WDR47: variants seen among roughly 807,000 people sequenced by gnomAD.
WDR47 encodes the protein WD repeat domain 47, also known as WD repeat-containing protein 47.
Under a neutral mutation model 97.2 loss-of-function variants are expected in WDR47, and 32 were observed. The ratio of observed to expected loss-of-function variants is 0.33; its 90% confidence interval spans 0.25 to 0.44. The LOEUF (loss-of-function observed/expected upper bound fraction) is 0.44. Ranked by LOEUF, WDR47 falls within the 20% of genes least tolerant of loss-of-function variation. The pLI is 1.00. For synonymous variants in WDR47, 375 were observed against 373.5 expected (o/e 1.00, Z -0.05); for missense variants, 782 against 1,102.3 (o/e 0.71, Z 4.11).
chr1:108,971,311 G>A lies in WDR47; in HGVS notation c.*119C>T. 7.4e-7 allele frequency: 1 copy of A among 1,358,730 alleles called. No individual in the cohort carries two copies. The highest frequency in any genetic ancestry group is 1.0e-6 in the Non-Finnish European group (1 of 990,478). The allele number at this position is 1,358,730 out of a possible 1,614,324, so 84.2% of individuals were successfully genotyped here. ...CTATCAGTGGGATACATGGTAATAA[G>A]GGGCCTCTTCGTGCTAAACCACTTT... On this transcript the variant is annotated 3_prime_UTR_variant, in exon 15 of 15. Coordinates refer to ENST00000369962, the MANE Select transcript of WDR47 (RefSeq NM_001142551.2).
At chr1:109,032,179 T>C (rs896500067) in intron 1 of WDR47, among the ~76,000 whole-genome samples, 13 of 139,300 alleles carry the variant, frequency 9.3e-5, no homozygotes, top group African/African-American at 3.4e-4. Context: ...TAAACAAGTA[T>C]GTTTAAAATT....
chr1:108,997,111 A>C (rs1659805037), intron 7 of WDR47, among the ~76,000 whole-genome samples: 1 of 149,200 alleles, frequency 6.7e-6, no homozygotes, highest in Non-Finnish European at 1.5e-5. Context: ...GCAAGTCTCC[A>C]TCTCCAAAAA....
chr1:108,995,953 G>A, intron 7 of WDR47, 116 bp from the exon 8 acceptor site: 1 of 1,066,164 alleles, frequency 9.4e-7, no homozygotes. Context: ...ATAATCTATG[G>A]CAAATTTAGT....
chr1:109,031,800 T>C lies in WDR47; in HGVS notation c.-9-8279A>G, dbSNP rs1293562539. On this transcript the variant is annotated intron_variant, in intron 1 of 14. Coordinates refer to ENST00000369962, the MANE Select transcript of WDR47 (RefSeq NM_001142551.2). ...TATCATTTCAATCTTTCTTTCTTTT[T>C]TTTTTTTTTTTTTTTTTAAGACAGG... Among the ~76,000 whole-genome samples, 247 of 125,570 alleles carry C rather than the reference T, an allele frequency of 2.0e-3. 17 individuals carry two copies. The highest frequency in any genetic ancestry group is 5.9e-3 in the African/African-American group (209 of 35,458). The allele number at this position is 125,570 out of a possible 152,430, so 82.4% of individuals were successfully genotyped here.
At position 108,997,017 on chromosome 1, in the gene WDR47, G is replaced by A. The variant is rs771778109; in HGVS notation, c.1434-1180C>T. Among the ~76,000 whole-genome samples the A allele has an allele frequency of 1.1e-4, 16 of 152,050 alleles. 1 individual carries two copies. The highest frequency in any genetic ancestry group is 6.2e-4 in the South Asian group (3 of 4,820). The stretch of plus-strand genomic sequence containing the variant: ...TGTAATCCCAGCTACTTGGGAGGCT[G>A]AAGCAGGAGAATCACTTGAACCTGG... On this transcript the variant is annotated intron_variant, in intron 7 of 14. Transcript: ENST00000369962.
chr1:109,017,476 C>T (rs1275042273), intron 3 of WDR47, 42 bp downstream of exon 3: 3 of 1,518,244 alleles, frequency 2.0e-6, no homozygotes, highest in South Asian at 2.3e-5. Context: ...TGCTAAGCTT[C>T]TACCAATGAT....
At chr1:109,009,652 G>T (rs1367486364) in intron 5 of WDR47, among the ~76,000 whole-genome samples, 1 of 152,114 alleles carries the variant, frequency 6.6e-6, no homozygotes, top group East Asian at 1.9e-4. Context: ...TCTTTCAAGT[G>T]GAAAAAGCAG....
At chr1:109,040,863 C>T (rs555731135) in intron 1 of WDR47, among the ~76,000 whole-genome samples, 13 of 152,212 alleles carry the variant, frequency 8.5e-5, no homozygotes, top group African/African-American at 3.1e-4. Context: ...ATTTTTTAAA[C>T]CTACATGTTC....
At chr1:108,991,457 G>A in intron 8 of WDR47, 128 bp from the exon 9 acceptor site, 1 of 669,840 alleles carries the variant, frequency 1.5e-6, no homozygotes, top group Non-Finnish European at 2.5e-6. Context: ...GTTACTCTCT[G>A]GAGACATTTA....
chr1:109,008,943 G>C (rs1037812929), intron 5 of WDR47, among the ~76,000 whole-genome samples: 3 of 152,014 alleles, frequency 2.0e-5, no homozygotes, highest in African/African-American at 7.2e-5. Context: ...TTCTGGGCCG[G>C]GCGCAGTGGC....
At chr1:109,026,583 C>A (rs1187844215) in intron 1 of WDR47, among the ~76,000 whole-genome samples, 3 of 152,086 alleles carry the variant, frequency 2.0e-5, no homozygotes, top group Non-Finnish European at 4.4e-5. Context: ...ATGGCTTTTA[C>A]TAATTTAACT....
chr1:108,971,531 G>C lies in WDR47; in HGVS notation c.2659C>G (p.His887Asp). The change falls in exon 15 of 15, where the codon CAC (histidine) becomes GAC (aspartate). Residue 887 changes from histidine to aspartate, a missense_variant. Coordinates refer to ENST00000369962, the MANE Select transcript of WDR47 (RefSeq NM_001142551.2). ...CTGCACTGAATCACTTTGTCCTTGT[G>C]CTCCCCCACCACCATGATAGGAAGC... Reference protein sequence around the residue: ...KQLPIMVVGEHKDKVIQCRWH... With the variant: ...KQLPIMVVGEDKDKVIQCRWH... 6.2e-7 allele frequency: 1 copy of C among 1,614,122 alleles called. No homozygotes were observed. The highest frequency in any genetic ancestry group is 8.5e-7 in the Non-Finnish European group (1 of 1,180,032).
At chr1:109,013,462 A>C (rs1209775327) in intron 4 of WDR47, among the ~76,000 whole-genome samples, 1 of 152,114 alleles carries the variant, frequency 6.6e-6, no homozygotes, top group Non-Finnish European at 1.5e-5. Context: ...AAAAAAAACT[A>C]TCTCTGGATC....
chr1:109,002,481 C>T (rs1228094371), intron 6 of WDR47, 79 bp from the exon 7 acceptor site: 20 of 1,139,676 alleles, frequency 1.8e-5, no homozygotes, highest in Admixed American at 6.4e-5. Context: ...TTTATAAATG[C>T]TGAATAAAAT....
intron 2 of WDR47, among the ~76,000 whole-genome samples, chr1:109,018,528 C>T (rs910844110): frequency 6.6e-6 from 1 of 151,536 alleles, no homozygotes; most frequent in Non-Finnish European, 1.5e-5. Context: ...ATTTTAAGAA[C>T]AAGTGGCTGG....
intron 13 of WDR47, among the ~76,000 whole-genome samples, chr1:108,979,965 C>T (rs374707985): frequency 1.3e-5 from 2 of 152,160 alleles, no homozygotes; most frequent in African/African-American, 2.4e-5. Context: ...ACCTGAGCTC[C>T]GCCTCCTGTC....
intron 4 of WDR47, among the ~76,000 whole-genome samples, chr1:109,013,185 A>G (rs1436576101): frequency 6.6e-6 from 1 of 152,174 alleles, no homozygotes; most frequent in African/African-American, 2.4e-5. Context: ...CCAGGCAATG[A>G]ATCTGCTGGT....
rs142238579 is a variant in WDR47, at chr1:108,993,563, C to T, written c.1691+2017G>A. 2.8e-3 allele frequency among the ~76,000 whole-genome samples: 432 copies of T among 152,136 alleles called. 4 individuals are homozygous for T. The highest frequency in any genetic ancestry group is 0.01 in the African/African-American group (416 of 41,488). Reference sequence around the variant, plus strand: ...CCCCTTTTCAGGAAACTGTGAGATGCTAAAAACAGGGAATCTAATAAAGAG... The same window carrying T: ...CCCCTTTTCAGGAAACTGTGAGATGTTAAAAACAGGGAATCTAATAAAGAG... On this transcript the variant is annotated intron_variant, in intron 8 of 14. Transcript: ENST00000369962.
At chr1:108,981,696 T>C (rs1658357884) in intron 13 of WDR47, 37 bp downstream of exon 13, 1 of 1,570,332 alleles carries the variant, frequency 6.4e-7, no homozygotes, top group Non-Finnish European at 8.6e-7. Context: ...ATTTACAAAG[T>C]TTTTTTCCCA....
Sources: gnomAD v4.1 joint callset for allele counts (sites outside exome capture counted in the v4.1 genomes callset) on GRCh38, gnomAD v4.1.1 for gene constraint, MANE v1.5 for transcripts, NCBI Gene and HGNC (gene_info 2026-07-23, HGNC 2026-07-21) for gene names.